Variants in EPHX4 observed in about 807,000 individuals in gnomAD.
EPHX4 encodes abhydrolase domain containing 7.
Under a neutral mutation model 44.9 loss-of-function variants are expected in EPHX4, and 31 were observed. That is an observed-to-expected ratio of 0.69 (90% CI 0.52 to 0.93). The LOEUF (loss-of-function observed/expected upper bound fraction) is 0.93, where lower values mean the gene tolerates loss of function less well. Ranked by LOEUF, EPHX4 falls within the 40% of genes least tolerant of loss-of-function variation. The pLI, the probability that EPHX4 is intolerant of heterozygous loss-of-function variation, is 0.00. For synonymous variants in EPHX4, 151 were observed against 159.7 expected, an observed-to-expected ratio of 0.95 and a Z score of 0.41; for missense variants, 373 against 438.1, an observed-to-expected ratio of 0.85 and a Z score of 1.33.
intron 1 of EPHX4, among the ~76,000 whole-genome samples, chr1:92,032,219 T>G (rs967901335): frequency 1.3e-5 from 2 of 152,148 alleles, no homozygotes; most frequent in Non-Finnish European, 2.9e-5. Flanking sequence ...TTGACTGTAC[T>G]AGAACAAGAA....
At chr1:92,044,442 TG>T (rs1476278461) in intron 3 of EPHX4, among the ~76,000 whole-genome samples, 1 of 151,978 alleles carries the variant, frequency 6.6e-6, no homozygotes, top group Admixed American at 6.6e-5. Flanking sequence ...TAGTGAGGAG[TG>T]ATGGTGAGAA....
At chr1:92,041,378 A>G (rs528033565) in intron 2 of EPHX4, among the ~76,000 whole-genome samples, 1 of 152,266 alleles carries the variant, frequency 6.6e-6, no homozygotes, top group South Asian at 2.1e-4. Flanking sequence ...TTTTTAAAAA[A>G]CCTTCAGACT....
chr1:92,058,198 T>G (rs971410826), intron 6 of EPHX4, among the ~76,000 whole-genome samples: 8 of 152,160 alleles, frequency 5.3e-5, no homozygotes, highest in African/African-American at 1.9e-4. Flanking sequence ...TCCCAGCATT[T>G]TGGAAGGCCG....
chr1:92,033,835 C>G (rs6659973), intron 2 of EPHX4, among the ~76,000 whole-genome samples: 148,770 of 152,064 alleles, frequency 0.98, 72,840 homozygotes, highest in East Asian at 1. Flanking sequence ...GTGTGTCCAA[C>G]ATGGTGCCTT....
At position 92,062,247 on chromosome 1, in the gene EPHX4, C is replaced by G. The variant is rs528753921; in HGVS notation, c.858-808C>G. Among the ~76,000 whole-genome samples, 3 of 152,056 alleles carry G rather than the reference C, an allele frequency of 2.0e-5. No homozygotes were observed. The South Asian group carries it at 6.2e-4, about 32-fold the overall frequency. Reference sequence around the variant, plus strand: ...ACAGTAACATATAAATAGTTTAAATCTCTCTTTCATTACACCATTCAGTAA... The same window carrying G: ...ACAGTAACATATAAATAGTTTAAATGTCTCTTTCATTACACCATTCAGTAA... On this transcript the variant is annotated intron_variant, in intron 6 of 6. Coordinates refer to ENST00000370383, the MANE Select transcript of EPHX4 (RefSeq NM_173567.5).
chr1:92,056,506 C>T (rs1244987222), intron 6 of EPHX4, among the ~76,000 whole-genome samples: 2 of 152,048 alleles, frequency 1.3e-5, no homozygotes, highest in African/African-American at 4.8e-5. Flanking sequence ...TTTTAACCCA[C>T]CTCTCTCTGA....
At chr1:92,034,299 C>CAAAAA (rs765695521) in intron 2 of EPHX4, among the ~76,000 whole-genome samples, 1 of 52,722 alleles carries the variant, frequency 1.9e-5, no homozygotes. Context: ...GATTCCGTCT[C>CAAAAA]AAAAAAAAAA....
At chr1:92,035,120 AT>A (rs569980690) in intron 2 of EPHX4, among the ~76,000 whole-genome samples, 5 of 152,016 alleles carry the variant, frequency 3.3e-5, no homozygotes, top group African/African-American at 7.3e-5. Context: ...CTGCATGAAG[AT>A]TTTTTTCCCC....
chr1:92,040,715 C>G (rs2101868517), intron 2 of EPHX4, among the ~76,000 whole-genome samples: 1 of 152,258 alleles, frequency 6.6e-6, no homozygotes, highest in South Asian at 2.1e-4. Flanking sequence ...CCCACCTTGG[C>G]CTCCCAAAGT....
chr1:92,052,548 T>C lies in EPHX4; in HGVS notation c.747T>C (p.Ile249=). 1 of 1,611,520 alleles carries C rather than the reference T, an allele frequency of 6.2e-7. No individual in the cohort carries two copies. Among genetic ancestry groups the C allele is most frequent in the Non-Finnish European group, 8.5e-7 (1 of 1,179,090 alleles). Residue 249 remains isoleucine (I), a synonymous_variant, in exon 6 of 7, where the codon ATT becomes ATC. Transcript: ENST00000370383. ...TGTTTACCAGTCACAGCACTGGCAT[T>C]GGAAGAAAAGGATGCCAATTAACAA... ...KHLFTSHSTG[I]GRKGCQLTTE... is the part of the protein sequence containing the mutation.
chr1:92,051,290 A>C (rs998617012), intron 5 of EPHX4, among the ~76,000 whole-genome samples: 8 of 152,042 alleles, frequency 5.3e-5, no homozygotes, highest in African/African-American at 9.7e-5. Context: ...CTAACAGAAT[A>C]AATGACAACT....
chr1:92,051,273 A>G (rs912322792), intron 5 of EPHX4, among the ~76,000 whole-genome samples: 2 of 151,874 alleles, frequency 1.3e-5, no homozygotes, highest in African/African-American at 4.8e-5. Context: ...CAATGCCACT[A>G]TCAAACCTAA....
At chr1:92,061,524 A>G (rs1421734484) in intron 6 of EPHX4, among the ~76,000 whole-genome samples, 4 of 152,230 alleles carry the variant, frequency 2.6e-5, no homozygotes, top group African/African-American at 7.2e-5. Flanking sequence ...CCTTAAGCTC[A>G]GGAATTCTAC....
intron 5 of EPHX4, 91 bp from the exon 6 acceptor site, chr1:92,052,419 C>T: frequency 7.9e-7 from 1 of 1,259,750 alleles, no homozygotes; most frequent in Non-Finnish European, 1.1e-6. Context: ...TGTCACCACA[C>T]AATGACCACC....
Position 92,063,294 on chromosome 1 carries a change from T to G in EPHX4, c.*8T>G, listed in dbSNP as rs781161471. 1.1e-5 allele frequency: 18 copies of G among 1,566,164 alleles called. No homozygotes were observed. The highest frequency in any genetic ancestry group is 1.6e-5 in the Non-Finnish European group (18 of 1,149,658). ...ACAAGAAAAAAAGATTGACTTTTCT[T>G]TATCTTCTATGAAGGGTCTGTAATG... On this transcript the variant is annotated 3_prime_UTR_variant, in exon 7 of 7. Coordinates refer to ENST00000370383, the MANE Select transcript of EPHX4 (RefSeq NM_173567.5).
intron 2 of EPHX4, among the ~76,000 whole-genome samples, chr1:92,037,474 A>G (rs149484324): frequency 3.9e-5 from 6 of 152,308 alleles, no homozygotes; most frequent in East Asian, 3.9e-4. Flanking sequence ...TCAAAGGATG[A>G]TCTTTCTCCC....
At chr1:92,034,664 A>G (rs1041142408) in intron 2 of EPHX4, among the ~76,000 whole-genome samples, 1 of 147,774 alleles carries the variant, frequency 6.8e-6, no homozygotes, top group African/African-American at 2.5e-5. Flanking sequence ...TTTTTTTTTA[A>G]ACAGTCTTGC....
Position 92,052,615 on chromosome 1 carries a change from G to A in EPHX4, c.814G>A (p.Gly272Arg). ...TTATATTTATGTCTTTTCTCAGCCT[G>A]GAGCATTAAGTGGCCCAATTAACCA... Reference protein sequence around the residue: ...EAYIYVFSQPGALSGPINHYR... With the variant: ...EAYIYVFSQPRALSGPINHYR... Residue 272 changes from glycine to arginine, a missense_variant, in exon 6 of 7, where the codon GGA (glycine) becomes AGA (arginine). Coordinates refer to ENST00000370383, the MANE Select transcript of EPHX4 (RefSeq NM_173567.5). 6.2e-7 allele frequency: 1 copy of A among 1,612,132 alleles called. No homozygotes were observed.
chr1:92,047,848 TA>T (rs1688604078), intron 4 of EPHX4, among the ~76,000 whole-genome samples: 1 of 152,198 alleles, frequency 6.6e-6, no homozygotes. Flanking sequence ...CTGGATACCT[TA>T]AAAAGTCTTG....
Sources: allele counts gnomAD v4.1 joint callset (sites outside exome capture counted in the v4.1 genomes callset), GRCh38; gene constraint gnomAD v4.1.1; transcripts MANE v1.5; gene names NCBI Gene and HGNC (gene_info 2026-07-23, HGNC 2026-07-21).